The following PDE10A variants were observed in gnomAD, a reference collection of about 807,000 sequenced individuals.
The protein encoded by PDE10A is cAMP and cAMP-inhibited cGMP 3',5'-cyclic phosphodiesterase 10A.
A neutral mutation model predicts 97.7 loss-of-function variants in PDE10A; 39 were observed. That is an observed-to-expected ratio of 0.40 (90% CI 0.31 to 0.52). The LOEUF (loss-of-function observed/expected upper bound fraction) is 0.52. PDE10A is among the 20% of genes least tolerant of loss of function. The pLI is 0.56. For synonymous variants in PDE10A, 371 were observed against 376.8 expected, an observed-to-expected ratio of 0.98 and a Z score of 0.18; for missense variants, 731 against 1,047.8, an observed-to-expected ratio of 0.70 and a Z score of 4.17.
chr6:165,892,417 C>T (rs994225274), intron 1 of PDE10A, among the ~76,000 whole-genome samples: 4 of 152,226 alleles, frequency 2.6e-5, no homozygotes, highest in Non-Finnish European at 4.4e-5. Flanking sequence ...AGGGCTGCTC[C>T]GCCCAGTGCC....
intron 1 of PDE10A, among the ~76,000 whole-genome samples, chr6:165,715,269 T>C (rs1036820990): frequency 6.6e-6 from 1 of 152,260 alleles, no homozygotes; most frequent in Non-Finnish European, 1.5e-5. Context: ...TAAACAATCA[T>C]ATTTTTATAC....
intron 1 of PDE10A, among the ~76,000 whole-genome samples, chr6:165,883,834 A>T (rs1297831693): frequency 6.6e-6 from 1 of 152,148 alleles, no homozygotes; most frequent in Non-Finnish European, 1.5e-5. Flanking sequence ...ACTCAAGCTA[A>T]AGAGACACAG....
At chr6:165,458,234 C>T (rs142061966) in intron 3 of PDE10A, among the ~76,000 whole-genome samples, 1 of 151,910 alleles carries the variant, frequency 6.6e-6, no homozygotes, top group African/African-American at 2.4e-5. Context: ...CCTTGTATAC[C>T]TTTTACCCAG....
rs139958376 is a variant in PDE10A, at chr6:165,958,630, G to A, written c.-615+28899C>T. 5.8e-4 allele frequency among the ~76,000 whole-genome samples: 88 copies of A among 151,462 alleles called. 2 individuals carry two copies. Among genetic ancestry groups the A allele is most frequent in the African/African-American group, 2.0e-3 (82 of 41,072 alleles). Reference sequence around the variant, plus strand: ...GAAAGGAAGGAAGGAAGGAATGAAGGAAGGAAGAAAGGAAGGAAGGAAATG... The same window carrying A: ...GAAAGGAAGGAAGGAAGGAATGAAGAAAGGAAGAAAGGAAGGAAGGAAATG... On this transcript the variant is annotated intron_variant, in intron 1 of 19. Transcript: ENST00000366882.
intron 1 of PDE10A, among the ~76,000 whole-genome samples, chr6:165,984,473 T>C (rs1473401339): frequency 6.6e-6 from 1 of 152,268 alleles, no homozygotes; most frequent in Non-Finnish European, 1.5e-5. Context: ...ATTAAGGTTG[T>C]TATTTACCAT....
intron 1 of PDE10A, among the ~76,000 whole-genome samples, chr6:165,771,341 A>T (rs1175129354): frequency 6.6e-6 from 1 of 152,088 alleles, no homozygotes; most frequent in African/African-American, 2.4e-5. Context: ...TCTCAACCAC[A>T]CAGAGACACT....
chr6:165,780,646 A>G (rs1778317466), intron 1 of PDE10A: 1 of 152,252 alleles, frequency 6.6e-6, no homozygotes, highest in African/African-American at 2.4e-5. Context: ...GGTTTGGACC[A>G]TCTTTGCACT....
chr6:165,474,314 C>A (rs971068824), intron 3 of PDE10A, among the ~76,000 whole-genome samples: 5 of 151,952 alleles, frequency 3.3e-5, no homozygotes, highest in African/African-American at 4.8e-5. Context: ...AACAAAAAAA[C>A]CAAAGTTAAA....
At chr6:165,943,346 G>GAAAGAAAGAAAGAAAGAGAAAGAAAGAA (rs369730730) in intron 1 of PDE10A, among the ~76,000 whole-genome samples, 1 of 79,488 alleles carries the variant, frequency 1.3e-5, no homozygotes, top group African/African-American at 5.5e-5. Context: ...AGAAAGAAAA[G>GAAAGAAAGAAAGAAAGAGAAAGAAAGAA]AGAAAGAAAG....
chr6:165,958,563 AAGACAGACAGAAAGAAAGACAGAAAGAG>A lies in PDE10A; in HGVS notation c.-615+28938_-615+28965del, dbSNP rs1562327303. ...AAAGAAAGAAAGAAAGAAAGAAAGA[AAGACAGACAGAAAGAAAGACAGAAAGAG>A]AGAAAGAAAGAGAGAAAGGAAGGAA... On this transcript the variant is annotated intron_variant, in intron 1 of 19. Coordinates refer to the PDE10A transcript ENST00000366882. Among the ~76,000 whole-genome samples the A allele has an allele frequency of 7.1e-3, 108 of 15,282 alleles. 9 individuals are homozygous for A. Among genetic ancestry groups the A allele is most frequent in the African/African-American group, 9.3e-3 (52 of 5,604 alleles). The allele number at this position is 15,282 out of a possible 152,430, so 10.0% of individuals were successfully genotyped here.
intron 3 of PDE10A, among the ~76,000 whole-genome samples, chr6:165,481,453 C>A (rs540549612): frequency 6.6e-6 from 1 of 152,048 alleles, no homozygotes; most frequent in African/African-American, 2.4e-5. Flanking sequence ...TTAGAGATTT[C>A]TTTCTTCAGA....
intron 5 of PDE10A, among the ~76,000 whole-genome samples, chr6:165,439,088 A>G (rs964572579): frequency 4.6e-5 from 7 of 152,102 alleles, no homozygotes; most frequent in Non-Finnish European, 1.0e-4. Flanking sequence ...TAGGGACTTC[A>G]TTTTTCAAAA....
At chr6:165,835,091 C>T (rs897874686) in intron 1 of PDE10A, among the ~76,000 whole-genome samples, 5 of 152,030 alleles carry the variant, frequency 3.3e-5, no homozygotes, top group East Asian at 1.9e-4. Context: ...GGGCAGTTGG[C>T]GAGGACACAG....
chr6:165,771,652 G>GAC (rs1459179214), intron 1 of PDE10A, among the ~76,000 whole-genome samples: 3 of 19,782 alleles, frequency 1.5e-4, no homozygotes, highest in African/African-American at 7.2e-4. Flanking sequence ...AGTTTAACAA[G>GAC]ATAAAAAAAA....
At chr6:165,488,382 A>G (rs1780038995) in intron 2 of PDE10A, among the ~76,000 whole-genome samples, 1 of 152,244 alleles carries the variant, frequency 6.6e-6, no homozygotes, top group African/African-American at 2.4e-5. Context: ...TAGTAAGCAC[A>G]GCGTTCACAG....
chr6:165,513,074 G>C (rs1394068871), intron 2 of PDE10A, among the ~76,000 whole-genome samples: 1 of 151,840 alleles, frequency 6.6e-6, no homozygotes, highest in Non-Finnish European at 1.5e-5. Context: ...ACAATTTACT[G>C]TTTTTTTAAA....
intron 1 of PDE10A, among the ~76,000 whole-genome samples, chr6:165,700,694 A>G (rs577465458): frequency 6.8e-4 from 104 of 152,336 alleles, no homozygotes; most frequent in African/African-American, 2.3e-3. Flanking sequence ...AAGATTTGTT[A>G]CAGAAGTATT....
At chr6:165,581,037 G>T (rs545588661) in intron 1 of PDE10A, among the ~76,000 whole-genome samples, 8 of 152,228 alleles carry the variant, frequency 5.3e-5, no homozygotes, top group African/African-American at 1.9e-4. Context: ...TAGAAAAATT[G>T]GTGATAAAAA....
intron 1 of PDE10A, among the ~76,000 whole-genome samples, chr6:165,863,672 T>C (rs1268493191): frequency 6.6e-6 from 1 of 152,222 alleles, no homozygotes; most frequent in Admixed American, 6.5e-5. Flanking sequence ...GAGTTAGTCA[T>C]ACAATACTTC....
Sources: gnomAD v4.1 joint callset for allele counts (sites outside exome capture counted in the v4.1 genomes callset) on GRCh38, gnomAD v4.1.1 for gene constraint, MANE v1.5 for transcripts, NCBI Gene and HGNC (gene_info 2026-07-23, HGNC 2026-07-21) for gene names.